Variants in COL11A1 observed in about 807,000 individuals in gnomAD.
COL11A1 encodes the protein collagen alpha-1(XI) chain.
COL11A1 carries 74 observed loss-of-function variants against 265.2 expected under a neutral mutation model. The observed-to-expected ratio is 0.28, with a 90% CI of 0.23 to 0.34. The LOEUF (loss-of-function observed/expected upper bound fraction) is 0.34, where lower values mean the gene tolerates loss of function less well. Ranked by LOEUF, COL11A1 falls within the 10% of genes least tolerant of loss-of-function variation. The pLI, the probability that COL11A1 is intolerant of heterozygous loss-of-function variation, is 1.00. For synonymous variants in COL11A1, 816 were observed against 727.6 expected (o/e 1.12, Z -1.96); for missense variants, 2,165 against 2,263.6 (o/e 0.96, Z 0.88).
rs1450778119 is a variant in COL11A1, at chr1:102,890,501, G to T, written c.4306C>A (p.Pro1436Thr). The change falls in exon 58 of 67, where the codon CCT becomes ACT. Residue 1436 changes from proline (P) to threonine (T), a missense_variant. Transcript: ENST00000370096. ...GQDGPPGPMG[P>T]PGLPGLKGDP... The stretch of plus-strand genomic sequence containing the variant: ...CCTTTGAGACCAGGTAAGCCAGGAG[G>T]TCCCTAAATAATAACAAAAAAAAAA... 1.9e-6 allele frequency: 3 copies of T among 1,599,028 alleles called. No homozygotes were observed. Among genetic ancestry groups the T allele is most frequent in the Non-Finnish European group, 2.6e-6 (3 of 1,174,996 alleles).
intron 1 of COL11A1, among the ~76,000 whole-genome samples, chr1:103,105,660 G>T (rs1056507291): frequency 2.0e-5 from 3 of 152,024 alleles, no homozygotes; most frequent in African/African-American, 7.2e-5. Context: ...ATGATGCTGG[G>T]ATATAATATC....
At chr1:102,887,229 T>C (rs1434189874) in intron 62 of COL11A1, among the ~76,000 whole-genome samples, 173 bp from the exon 63 acceptor site, 1 of 152,144 alleles carries the variant, frequency 6.6e-6, no homozygotes, top group Non-Finnish European at 1.5e-5. Flanking sequence ...TCATAGATTC[T>C]TCTATGATGA....
At chr1:102,879,947 T>C (rs768044270) in intron 65 of COL11A1, 31 bp from the exon 66 acceptor site, 99 of 1,396,276 alleles carry the variant, frequency 7.1e-5, no homozygotes, top group Non-Finnish European at 9.5e-5. Context: ...AGACACCTAA[T>C]GACTCTTTTC....
intron 18 of COL11A1, 101 bp downstream of exon 18, chr1:103,005,737 G>A (rs1340546440): frequency 2.1e-6 from 3 of 1,400,536 alleles, no homozygotes; most frequent in East Asian, 2.3e-5. Context: ...ATTCACAAAC[G>A]TTAAAATTAA....
chr1:102,979,100 A>G lies in COL11A1; in HGVS notation c.2615T>C (p.Val872Ala). 1.2e-6 allele frequency: 2 copies of G among 1,614,050 alleles called. No homozygotes were observed. The highest frequency in any genetic ancestry group is 1.7e-6 in the Non-Finnish European group (2 of 1,179,946). ...ACCCCGAGGGCCTGGTTTGCCAGCTACTCCCTAGCAAAGACAGTTCAATTT... is the reference window on the plus strand; with the variant it reads ...ACCCCGAGGGCCTGGTTTGCCAGCTGCTCCCTAGCAAAGACAGTTCAATTT... The part of the protein sequence containing the change: ...GANGEKGARG[V>A]AGKPGPRGQR... The change falls in exon 33 of 67, where the codon GTA (valine) becomes GCA (alanine). Residue 872 changes from valine to alanine, a missense_variant. Transcript: ENST00000370096.
At chr1:102,941,613 T>C (rs1658731270) in intron 42 of COL11A1, among the ~76,000 whole-genome samples, 1 of 152,112 alleles carries the variant, frequency 6.6e-6, no homozygotes, top group African/African-American at 2.4e-5. Flanking sequence ...CTGAGCACAT[T>C]TTTTTCCTCT....
rs556500059 is a variant in COL11A1, at chr1:102,936,030, A to G, written c.3439-917T>C. Among the ~76,000 whole-genome samples the G allele has an allele frequency of 2.0e-5, 3 of 152,260 alleles. No individual in the cohort carries two copies. In the East Asian group the frequency reaches 5.8e-4, roughly 29 times the overall value. On this transcript the variant is annotated intron_variant, in intron 44 of 66. Coordinates refer to ENST00000370096, the MANE Select transcript of COL11A1 (RefSeq NM_001854.4). ...GTAGCTACCATTTGTAATAGCATTA[A>G]TTGTATTTTACCACGATATACTTTC...
intron 15 of COL11A1, among the ~76,000 whole-genome samples, chr1:103,007,694 G>GA (rs113388405): frequency 7.1e-4 from 108 of 151,550 alleles, no homozygotes; most frequent in Non-Finnish European, 1.1e-3. Flanking sequence ...CCCAACTCTA[G>GA]AAAAAATGCA....
intron 1 of COL11A1, among the ~76,000 whole-genome samples, chr1:103,091,567 A>G (rs901281179): frequency 6.6e-6 from 1 of 152,094 alleles, no homozygotes; most frequent in African/African-American, 2.4e-5. Flanking sequence ...AAGCCCTTAC[A>G]GTTGTATAGT....
At chr1:103,015,605 A>G (rs1291957683) in intron 12 of COL11A1, 63 bp downstream of exon 12, 51 of 1,272,756 alleles carry the variant, frequency 4.0e-5, no homozygotes, top group African/African-American at 5.9e-5. Flanking sequence ...TGGTTCAACA[A>G]TAAACTTCAG....
rs77587366 is a variant in COL11A1, at chr1:103,083,289, T to C, written c.107-317A>G. Among the ~76,000 whole-genome samples the C allele has an allele frequency of 0.027, 3,996 of 149,180 alleles. 172 individuals carry two copies. The highest frequency in any genetic ancestry group is 0.093 in the African/African-American group (3,804 of 41,060). On this transcript the variant is annotated intron_variant, in intron 1 of 66. Coordinates refer to ENST00000370096, the MANE Select transcript of COL11A1 (RefSeq NM_001854.4). ...GTGCGTGTGTGTGTACATAGGCATA[T>C]GTGCATCTGGAATTTAAAGTTTCCT... is the stretch of plus-strand genomic sequence containing the variant.
At chr1:102,902,991 A>G (rs1254617587) in intron 54 of COL11A1, among the ~76,000 whole-genome samples, 1 of 151,980 alleles carries the variant, frequency 6.6e-6, no homozygotes, top group Admixed American at 6.6e-5. Context: ...TTTATTGTGA[A>G]CTTCCCTTTG....
chr1:102,908,652 T>C (rs1192131672), intron 54 of COL11A1, among the ~76,000 whole-genome samples: 3 of 152,080 alleles, frequency 2.0e-5, no homozygotes, highest in African/African-American at 7.2e-5. Flanking sequence ...ATGTGTAATG[T>C]CCAATTTGTT....
At chr1:103,054,754 A>G (rs1670107051) in intron 4 of COL11A1, among the ~76,000 whole-genome samples, 5 of 152,112 alleles carry the variant, frequency 3.3e-5, no homozygotes, top group African/African-American at 2.4e-5. Context: ...TTACAAAATT[A>G]GCCAGGCATG....
At position 103,080,620 on chromosome 1, in the gene COL11A1, C is replaced by A. The variant is rs114024263; in HGVS notation, c.275-1749G>T. Among the ~76,000 whole-genome samples the A allele has an allele frequency of 3.1e-3, 477 of 151,754 alleles. 3 individuals are homozygous for A. Among genetic ancestry groups the A allele is most frequent in the African/African-American group, 0.011 (457 of 41,474 alleles). ...ATATGTAAATCAAAACTGCAATGAG[C>A]TATTACCCCACTCCAGTATGAATGG... On this transcript the variant is annotated intron_variant, in intron 2 of 66. Coordinates refer to ENST00000370096, the MANE Select transcript of COL11A1 (RefSeq NM_001854.4).
intron 1 of COL11A1, among the ~76,000 whole-genome samples, chr1:103,099,559 G>A (rs1281554641): frequency 6.6e-6 from 1 of 151,180 alleles, no homozygotes; most frequent in Non-Finnish European, 1.5e-5. Context: ...ATACCAATCT[G>A]AGATGAAAGG....
chr1:102,881,642 G>C, intron 65 of COL11A1, 55 bp downstream of exon 65: 1 of 1,342,638 alleles, frequency 7.4e-7, no homozygotes, highest in Non-Finnish European at 1.1e-6. Context: ...TACATAATCA[G>C]AATGTCACTT....
At chr1:102,891,510 T>A (rs1651777516) in intron 57 of COL11A1, among the ~76,000 whole-genome samples, 1 of 151,988 alleles carries the variant, frequency 6.6e-6, no homozygotes, top group Non-Finnish European at 1.5e-5. Context: ...AGCAACCAAC[T>A]CTGTCCTGCC....
chr1:102,962,546 C>T (rs1661020047), intron 39 of COL11A1, 107 bp downstream of exon 39: 7 of 995,424 alleles, frequency 7.0e-6, no homozygotes, highest in Admixed American at 1.9e-5. Context: ...ATTTTCCTGA[C>T]ACATCTTCTG....
Sources: allele counts gnomAD v4.1 joint callset (sites outside exome capture counted in the v4.1 genomes callset), GRCh38; gene constraint gnomAD v4.1.1; transcripts MANE v1.5; gene names NCBI Gene and HGNC (gene_info 2026-07-23, HGNC 2026-07-21).